Variants in TIMP3 observed in about 807,000 individuals in gnomAD.
TIMP3 encodes TIMP metallopeptidase inhibitor 3, also known as metalloproteinase inhibitor 3.
TIMP3 carries 11 observed loss-of-function variants against 30.0 expected under a neutral mutation model. The ratio of observed to expected loss-of-function variants is 0.37; its 90% CI spans 0.23 to 0.61. The LOEUF is 0.61. TIMP3 is among the 20% of genes least tolerant of loss of function. The pLI is 0.70. For synonymous variants in TIMP3, 112 were observed against 111.3 expected (o/e 1.01, Z -0.04); for missense variants, 181 against 276.8 (o/e 0.65, Z 2.45).
At chr22:32,815,606 T>C (rs2047068669) in intron 1 of TIMP3, among the ~76,000 whole-genome samples, 1 of 152,234 alleles carries the variant, frequency 6.6e-6, no homozygotes, top group African/African-American at 2.4e-5. Flanking sequence ...TGTTGACAGC[T>C]ATTTTAAGAT....
At chr22:32,815,099 T>C (rs147737918) in intron 1 of TIMP3, among the ~76,000 whole-genome samples, 5 of 152,244 alleles carry the variant, frequency 3.3e-5, no homozygotes, top group Admixed American at 1.3e-4. Flanking sequence ...GTGGCCGCCA[T>C]GTTAATACTA....
At chr22:32,841,318 G>T (rs2047894829) in intron 1 of TIMP3, among the ~76,000 whole-genome samples, 1 of 152,186 alleles carries the variant, frequency 6.6e-6, no homozygotes. Context: ...GTCTGATAGA[G>T]CACAGTGTCA....
chr22:32,850,415 C>G (rs1352958422), intron 2 of TIMP3, among the ~76,000 whole-genome samples: 1 of 152,042 alleles, frequency 6.6e-6, no homozygotes, highest in Admixed American at 6.6e-5. Flanking sequence ...TAAGGAGGAG[C>G]GGGTGGTATA....
intron 1 of TIMP3, among the ~76,000 whole-genome samples, chr22:32,832,731 G>A (rs1488755584): frequency 6.6e-6 from 1 of 150,618 alleles, no homozygotes; most frequent in Non-Finnish European, 1.5e-5. Context: ...AGATATACTC[G>A]CCCCTCTCTT....
At chr22:32,802,545 C>A (rs981371577) in intron 1 of TIMP3, among the ~76,000 whole-genome samples, 6 of 151,906 alleles carry the variant, frequency 3.9e-5, no homozygotes, top group Admixed American at 1.3e-4. Flanking sequence ...GCCATGTGCA[C>A]GGAAAGTTGC....
chr22:32,813,364 C>G (rs546645069), intron 1 of TIMP3, among the ~76,000 whole-genome samples: 104 of 152,254 alleles, frequency 6.8e-4, no homozygotes, highest in Admixed American at 1.6e-3. Flanking sequence ...CAGGTCCCTT[C>G]TGGAGGGGAC....
rs553765161 is a variant in TIMP3, at chr22:32,856,315, G to T, written c.205-934G>T. On this transcript the variant is annotated intron_variant, in intron 2 of 4. Coordinates refer to ENST00000266085, the MANE Select transcript of TIMP3 (RefSeq NM_000362.5). Reference sequence around the variant, plus strand: ...AGGAGTGTTGTGGGGCAGTTGGAATGGGGGGTATGGCTGGCTGCACAGGAA... The same window carrying T: ...AGGAGTGTTGTGGGGCAGTTGGAATTGGGGGTATGGCTGGCTGCACAGGAA... Among the ~76,000 whole-genome samples, 172 of 152,248 alleles carry T rather than the reference G, an allele frequency of 1.1e-3. 1 individual carries two copies. The highest frequency in any genetic ancestry group is 2.7e-3 in the African/African-American group (113 of 41,544).
At chr22:32,813,914 C>T (rs2046984286) in intron 1 of TIMP3, among the ~76,000 whole-genome samples, 3 of 152,122 alleles carry the variant, frequency 2.0e-5, no homozygotes, top group South Asian at 4.1e-4. Context: ...GGCTCATTGC[C>T]TGGCATGTAG....
chr22:32,834,780 T>C (rs2047681490), intron 1 of TIMP3, among the ~76,000 whole-genome samples: 1 of 152,150 alleles, frequency 6.6e-6, no homozygotes, highest in Admixed American at 6.5e-5. Context: ...TCCTATCTGG[T>C]ACAGGGTACC....
At chr22:32,806,609 C>A (rs1041522131) in intron 1 of TIMP3, among the ~76,000 whole-genome samples, 1 of 152,186 alleles carries the variant, frequency 6.6e-6, no homozygotes, top group Non-Finnish European at 1.5e-5. Flanking sequence ...TGCCTAGGCA[C>A]ATATGGGCTA....
At chr22:32,813,538 T>A in intron 1 of TIMP3, among the ~76,000 whole-genome samples, 1 of 141,930 alleles carries the variant, frequency 7.0e-6, no homozygotes, top group East Asian at 2.1e-4. Flanking sequence ...CACACACACG[T>A]GGACCAAACA....
intron 1 of TIMP3, among the ~76,000 whole-genome samples, chr22:32,847,319 T>C (rs566266463): frequency 1.3e-5 from 2 of 152,360 alleles, no homozygotes; most frequent in South Asian, 4.1e-4. Context: ...CAGAGGTGGA[T>C]GCAGGATCTT....
Position 32,862,055 on chromosome 22 carries a change from C to T in TIMP3, c.*2678C>T, listed in dbSNP as rs533096588. 5.2e-5 allele frequency: 8 copies of T among 152,642 alleles called. No individual in the cohort carries two copies. Among genetic ancestry groups the T allele is most frequent in the African/African-American group, 1.9e-4 (8 of 41,548 alleles). 9.5% of individuals were successfully genotyped at this position (152,642 alleles called of 1,614,324 possible). The stretch of plus-strand genomic sequence containing the variant: ...GAAGGAACTAGTAACTGAGACTCCT[C>T]CAGCCTCCTCCCTATTGGAATCCCA... On this transcript the variant is annotated 3_prime_UTR_variant, in exon 5 of 5. Coordinates refer to ENST00000266085, the MANE Select transcript of TIMP3 (RefSeq NM_000362.5).
intron 1 of TIMP3, among the ~76,000 whole-genome samples, chr22:32,832,673 G>GTATTTTATTTTATTTTATTTTATTT (rs564439917): frequency 2.6e-5 from 4 of 151,458 alleles, no homozygotes; most frequent in African/African-American, 9.7e-5. Flanking sequence ...AAACCCTCGA[G>GTATTTTATTTTATTTTATTTTATTT]TATTTTATTT....
At chr22:32,804,539 G>A (rs1465809587) in intron 1 of TIMP3, among the ~76,000 whole-genome samples, 1 of 152,158 alleles carries the variant, frequency 6.6e-6, no homozygotes, top group Admixed American at 6.5e-5. Flanking sequence ...TCTCTTCATG[G>A]CTTGGTGCCA....
At chr22:32,806,459 T>A (rs549193594) in intron 1 of TIMP3, among the ~76,000 whole-genome samples, 4 of 152,316 alleles carry the variant, frequency 2.6e-5, no homozygotes, top group Non-Finnish European at 5.9e-5. Flanking sequence ...CCAGCCAGTA[T>A]GGACAAGGAG....
chr22:32,824,400 G>A (rs1337828032), intron 1 of TIMP3, among the ~76,000 whole-genome samples: 3 of 151,524 alleles, frequency 2.0e-5, no homozygotes, highest in South Asian at 2.1e-4. Flanking sequence ...GAGCAGCTGA[G>A]ATGCTTTTAG....
intron 1 of TIMP3, among the ~76,000 whole-genome samples, chr22:32,814,317 C>CAAAA: frequency 2.3e-5 from 1 of 43,694 alleles, no homozygotes; most frequent in Non-Finnish European, 4.5e-5. Flanking sequence ...GAGAGAGAGA[C>CAAAA]AGAAAGAAAG....
chr22:32,818,658 G>T (rs557674929), intron 1 of TIMP3, among the ~76,000 whole-genome samples: 77 of 152,282 alleles, frequency 5.1e-4, no homozygotes, highest in Non-Finnish European at 1.0e-3. Flanking sequence ...TCTCCCCTCC[G>T]GCGCTGGGCC....
Sources: gnomAD v4.1 joint callset for allele counts (sites outside exome capture counted in the v4.1 genomes callset) on GRCh38, gnomAD v4.1.1 for gene constraint, MANE v1.5 for transcripts, NCBI Gene and HGNC (gene_info 2026-07-23, HGNC 2026-07-21) for gene names.